Variants in RBM11 observed in about 807,000 individuals in gnomAD.
RBM11 encodes the protein splicing regulator RBM11.
RBM11 carries 18 observed loss-of-function variants against 21.4 expected under a neutral mutation model. The observed-to-expected ratio is 0.84, with a 90% CI of 0.58 to 1.25. RBM11 has a LOEUF of 1.25. RBM11 is among the 50% of genes most tolerant of loss of function. The probability of loss-of-function intolerance (pLI) is 0.00; values close to 1 mark genes in which losing one functional copy is unlikely to be tolerated. For missense variants in RBM11, 294 were observed against 331.9 expected (o/e 0.89, Z 0.89); for synonymous variants, 120 against 116.3 (o/e 1.03, Z -0.20).
chr21:14,222,027 C>T (rs1270345890), intron 3 of RBM11, among the ~76,000 whole-genome samples: 1 of 152,026 alleles, frequency 6.6e-6, no homozygotes, highest in Non-Finnish European at 1.5e-5. Flanking sequence ...ATACTGAAAA[C>T]AAATATGAAT....
intron 4 of RBM11, among the ~76,000 whole-genome samples, chr21:14,226,455 C>T (rs1285344664): frequency 6.6e-6 from 1 of 151,836 alleles, no homozygotes; most frequent in Admixed American, 6.6e-5. Flanking sequence ...GCTGTCTCTA[C>T]TAAAAATACA....
chr21:14,216,384 C>A, intron 1 of RBM11, 102 bp downstream of exon 1: 1 of 931,006 alleles, frequency 1.1e-6, no homozygotes, highest in Non-Finnish European at 1.7e-6. Flanking sequence ...CCGTCCCATC[C>A]TGAGCAGGGG....
At chr21:14,220,090 A>C (rs893567787) in intron 2 of RBM11, among the ~76,000 whole-genome samples, 4 of 152,150 alleles carry the variant, frequency 2.6e-5, no homozygotes, top group African/African-American at 9.7e-5. Context: ...GTTACTGCTG[A>C]TGTATGGTAC....
chr21:14,217,709 A>G (rs558699112), intron 1 of RBM11, among the ~76,000 whole-genome samples: 3 of 152,222 alleles, frequency 2.0e-5, no homozygotes, highest in South Asian at 4.1e-4. Context: ...TATCATTTAA[A>G]ACTTACTATA....
At chr21:14,221,704 C>T (rs1474063008) in intron 3 of RBM11, among the ~76,000 whole-genome samples, 1 of 152,154 alleles carries the variant, frequency 6.6e-6, no homozygotes, top group Non-Finnish European at 1.5e-5. Flanking sequence ...CACTCTCTGG[C>T]AGGCTATCCC....
intron 3 of RBM11, 195 bp from the exon 4 acceptor site, chr21:14,224,243 T>C (rs1978908949): frequency 1.4e-6 from 1 of 728,450 alleles, no homozygotes; most frequent in African/African-American, 1.8e-5. Context: ...CATTCTGAGA[T>C]ACTGGGATTT....
chr21:14,228,199 T>C lies in RBM11; in HGVS notation c.*906T>C, dbSNP rs1979270193. On this transcript the variant is annotated 3_prime_UTR_variant, in exon 5 of 5. Coordinates refer to ENST00000400577, the MANE Select transcript of RBM11 (RefSeq NM_144770.5). ...TTTTTGTTTATAGCTCATTACAAAC[T>C]AGAGTGATGAATATATATATTTACT... The C allele has an allele frequency of 6.6e-6, 1 of 152,186 alleles. No homozygotes were observed. The highest frequency in any genetic ancestry group is 2.4e-5 in the African/African-American group (1 of 41,444). 9.4% of individuals were successfully genotyped at this position (152,186 alleles called of 1,614,324 possible). A position where few individuals can be genotyped will look rare whatever the true frequency, so the allele number is the denominator to read the frequency against.
chr21:14,220,506 CT>C (rs1978579855), intron 2 of RBM11, among the ~76,000 whole-genome samples: 1 of 152,120 alleles, frequency 6.6e-6, no homozygotes, highest in Non-Finnish European at 1.5e-5. Context: ...AAAAACAATG[CT>C]TTATTGCAAA....
At chr21:14,223,950 A>G (rs576305196) in intron 3 of RBM11, among the ~76,000 whole-genome samples, 21 of 152,312 alleles carry the variant, frequency 1.4e-4, no homozygotes, top group Admixed American at 5.9e-4. Flanking sequence ...CACCTTCACC[A>G]GAAGCCACCT....
chr21:14,216,657 G>T (rs1383087085), intron 1 of RBM11, among the ~76,000 whole-genome samples: 1 of 152,154 alleles, frequency 6.6e-6, no homozygotes, highest in Non-Finnish European at 1.5e-5. Context: ...GAGAGGGGTC[G>T]CTTTTATAAT....
chr21:14,228,141 T>C lies in RBM11; in HGVS notation c.*848T>C, dbSNP rs1056613503. The C allele has an allele frequency of 6.6e-6, 1 of 152,176 alleles. No homozygotes were observed. The highest frequency in any genetic ancestry group is 2.4e-5 in the African/African-American group (1 of 41,454). The allele number at this position is 152,176 out of a possible 1,614,324, so 9.4% of individuals were successfully genotyped here. A position where few individuals can be genotyped will look rare whatever the true frequency, so the allele number is the denominator to read the frequency against. ...ATCAAGTTTCCTATTTTTGGTTTATTTATTTTAGAAGAAAAATAAAATTAT... is the reference window on the plus strand; with the variant it reads ...ATCAAGTTTCCTATTTTTGGTTTATCTATTTTAGAAGAAAAATAAAATTAT... On this transcript the variant is annotated 3_prime_UTR_variant, in exon 5 of 5. Coordinates refer to ENST00000400577, the MANE Select transcript of RBM11 (RefSeq NM_144770.5).
Position 14,228,085 on chromosome 21 carries a change from T to G in RBM11, c.*792T>G, listed in dbSNP as rs912495980. The G allele has an allele frequency of 2.0e-5, 3 of 152,336 alleles. No individual in the cohort carries two copies. The highest frequency in any genetic ancestry group is 7.2e-5 in the African/African-American group (3 of 41,592). 9.4% of individuals were successfully genotyped at this position (152,336 alleles called of 1,614,324 possible). A position where few individuals can be genotyped will look rare whatever the true frequency, so the allele number is the denominator to read the frequency against. On this transcript the variant is annotated 3_prime_UTR_variant, in exon 5 of 5. Transcript: ENST00000400577. Reference sequence around the variant, plus strand: ...GCAAGTAAATAGAATAATATTTTATTAATGTATGATATGTAATACTTATTG... The same window carrying G: ...GCAAGTAAATAGAATAATATTTTATGAATGTATGATATGTAATACTTATTG...
At chr21:14,219,799 T>C in intron 2 of RBM11, 74 bp downstream of exon 2, 1 of 1,344,856 alleles carries the variant, frequency 7.4e-7, no homozygotes, top group Non-Finnish European at 9.9e-7. Context: ...AGCAATTTGT[T>C]TCCTATGTAG....
At chr21:14,221,434 C>G (rs886934141) in intron 3 of RBM11, 8 of 266,606 alleles carry the variant, frequency 3.0e-5, no homozygotes, top group Non-Finnish European at 4.8e-5. Context: ...GCTGTTAAAT[C>G]ATTTAAGCAT....
chr21:14,218,969 C>G (rs1309929003), intron 1 of RBM11, among the ~76,000 whole-genome samples: 1 of 152,022 alleles, frequency 6.6e-6, no homozygotes, highest in Non-Finnish European at 1.5e-5. Context: ...GATTTAGAGC[C>G]TCTCTAATTT....
Position 14,227,535 on chromosome 21 carries a change from C to G in RBM11, c.*242C>G. On this transcript the variant is annotated 3_prime_UTR_variant, in exon 5 of 5. Transcript: ENST00000400577. ...TTTTGACCCATTGGCAACAAATAGA[C>G]TATTGTCATTTTATTAGTACCAATG... is the stretch of plus-strand genomic sequence containing the variant. The G allele has an allele frequency of 2.2e-6, 1 of 463,388 alleles. No individual in the cohort carries two copies. The highest frequency in any genetic ancestry group is 3.8e-5 in the East Asian group (1 of 26,566). 28.7% of individuals were successfully genotyped at this position (463,388 alleles called of 1,614,324 possible). A position where few individuals can be genotyped will look rare whatever the true frequency, so the allele number is the denominator to read the frequency against.
intron 3 of RBM11, 152 bp from the exon 4 acceptor site, chr21:14,224,286 G>A: frequency 8.4e-7 from 1 of 1,184,624 alleles, no homozygotes; most frequent in Non-Finnish European, 1.1e-6. Context: ...GGGGAGACAT[G>A]TCAGCCCATC....
intron 1 of RBM11, among the ~76,000 whole-genome samples, chr21:14,217,524 A>G (rs902699314): frequency 2.6e-5 from 4 of 152,152 alleles, no homozygotes; most frequent in Admixed American, 6.5e-5. Flanking sequence ...TGTAGATACA[A>G]TTTGGTAGAG....
At position 14,227,593 on chromosome 21, in the gene RBM11, A is replaced by G. The variant is rs1979218972; in HGVS notation, c.*300A>G. Reference sequence around the variant, plus strand: ...TTCACCAAACTATTAATCAAAAGTCACTTATTGAACACATTGATAAAGCAT... The same window carrying G: ...TTCACCAAACTATTAATCAAAAGTCGCTTATTGAACACATTGATAAAGCAT... On this transcript the variant is annotated 3_prime_UTR_variant, in exon 5 of 5. Coordinates refer to ENST00000400577, the MANE Select transcript of RBM11 (RefSeq NM_144770.5). The G allele has an allele frequency of 3.1e-6, 1 of 325,170 alleles. No homozygotes were observed. The highest frequency in any genetic ancestry group is 5.6e-6 in the Non-Finnish European group (1 of 177,130). 20.1% of individuals were successfully genotyped at this position (325,170 alleles called of 1,614,324 possible).
Sources: gnomAD v4.1 joint callset for allele counts (sites outside exome capture counted in the v4.1 genomes callset) on GRCh38, gnomAD v4.1.1 for gene constraint, MANE v1.5 for transcripts, NCBI Gene and HGNC (gene_info 2026-07-23, HGNC 2026-07-21) for gene names.